The following CENPI variants were observed in gnomAD, a reference collection of about 807,000 sequenced individuals.
CENPI encodes FSH primary response 1.
In CENPI, 4 loss-of-function variants were observed where a neutral mutation model predicts 60.4. The ratio of observed to expected loss-of-function variants is 0.07; its 90% CI spans 0.03 to 0.15. The LOEUF (loss-of-function observed/expected upper bound fraction) is 0.15, where lower values mean the gene tolerates loss of function less well. Among genes scored for constraint, CENPI ranks in the 10% least tolerant of loss-of-function variants. CENPI has a pLI of 1.00. For missense variants in CENPI, 444 were observed against 534.5 expected, an observed-to-expected ratio of 0.83 and a Z score of 1.67; for synonymous variants, 157 against 189.4, an observed-to-expected ratio of 0.83 and a Z score of 1.40.
In CENPI at chrX:101,161,653, A is replaced by G. The variant is rs1307345487; in HGVS notation, c.2136+84A>G. 5 of 904,842 alleles carry G rather than the reference A, an allele frequency of 5.5e-6. No homozygotes were observed. The African/African-American group carries it at 5.9e-5, about 11-fold the overall frequency. The allele number at this position is 904,842 out of a possible 1,213,427, so 74.6% of individuals were successfully genotyped here. ...GAATTTATACTTTTCCTTTTTTCCA[A>G]ACCTTAAGCCTGCTGCCTCCACAAA... On this transcript the variant is annotated intron_variant, in intron 21 of 21. Coordinates refer to ENST00000682095, the MANE Select transcript of CENPI (RefSeq NM_001386188.2).
At chrX:101,105,244 G>A (rs1384972278) in intron 4 of CENPI, among the ~76,000 whole-genome samples, 1 of 111,887 alleles carries the variant, frequency 8.9e-6, no homozygotes, top group Admixed American at 9.5e-5. Flanking sequence ...TGGAGTAGGG[G>A]CCGGGTGCAG....
chrX:101,177,552 C>T, the CENPI span, among the ~76,000 whole-genome samples: 10 of 111,866 alleles, frequency 8.9e-5, no homozygotes, highest in African/African-American at 3.2e-4. Context: ...GCAGGGCGCT[C>T]CTCAAGCTCA....
the CENPI span, among the ~76,000 whole-genome samples, chrX:101,171,507 G>A: frequency 9.0e-6 from 1 of 111,615 alleles, no homozygotes; most frequent in African/African-American, 3.3e-5. Flanking sequence ...CGCAAACACG[G>A]CTCATTGCAG....
chrX:101,149,257 C>T (rs1165092827), intron 20 of CENPI, among the ~76,000 whole-genome samples: 2 of 111,456 alleles, frequency 1.8e-5, no homozygotes, highest in Non-Finnish European at 3.8e-5. Flanking sequence ...TGGTCTGTGT[C>T]AAGAGTACTC....
chrX:101,175,731 A>G, the CENPI span, among the ~76,000 whole-genome samples: 1 of 111,994 alleles, frequency 8.9e-6, no homozygotes, highest in Admixed American at 9.5e-5. Flanking sequence ...TATAGACTGT[A>G]TAATGATCAA....
chrX:101,103,791 A>G (rs1039748229), intron 4 of CENPI, among the ~76,000 whole-genome samples: 1 of 112,077 alleles, frequency 8.9e-6, no homozygotes, highest in African/African-American at 3.2e-5. Context: ...GCATATGCCA[A>G]AAATAACCAG....
rs1442619492 is a variant in CENPI at position 101,148,271 on chromosome X, T to A, written c.2094+110T>A. On this transcript the variant is annotated intron_variant, in intron 20 of 21. Transcript: ENST00000682095. ...GAATTGTAAGACGTGTGTTTAGTAA[T>A]TTTTTTTAAGTAACAACTAAATTTT... The A allele has an allele frequency of 9.2e-6, 6 of 654,693 alleles. No homozygotes were observed. The African/African-American group carries it at 1.4e-4, about 15-fold the overall frequency. The allele number at this position is 654,693 out of a possible 1,213,427, so 54.0% of individuals were successfully genotyped here.
downstream of CENPI, among the ~76,000 whole-genome samples, chrX:101,168,058 G>C (rs964853592): frequency 8.9e-6 from 1 of 112,428 alleles, no homozygotes; most frequent in Non-Finnish European, 1.9e-5. Context: ...GTTTAAAAGG[G>C]AGATCAGAGA....
At chrX:101,159,713 C>T (rs370306102) in intron 20 of CENPI, among the ~76,000 whole-genome samples, 2 of 111,686 alleles carry the variant, frequency 1.8e-5, no homozygotes, top group Admixed American at 9.6e-5. Context: ...CCACCCGCCT[C>T]GGCCTCCCAA....
At chrX:101,145,227 G>A in intron 17 of CENPI, 28 bp downstream of exon 17, 1 of 1,145,724 alleles carries the variant, frequency 8.7e-7, no homozygotes, top group Non-Finnish European at 1.2e-6. Context: ...TTCCCCATTT[G>A]GATTTATGTG....
intron 6 of CENPI, among the ~76,000 whole-genome samples, chrX:101,114,072 C>T (rs1426516072): frequency 1.8e-5 from 2 of 111,985 alleles, no homozygotes; most frequent in Non-Finnish European, 3.8e-5. Context: ...GCCTGGCCAA[C>T]ATGGCGAAAC....
intron 20 of CENPI, among the ~76,000 whole-genome samples, 178 bp downstream of exon 20, chrX:101,148,339 G>A (rs1264714727): frequency 1.8e-5 from 2 of 111,695 alleles, no homozygotes; most frequent in Non-Finnish European, 1.9e-5. Flanking sequence ...ATTTAAGTAA[G>A]TTTCTGTCCT....
chrX:101,126,025 T>C (rs1388559796), intron 8 of CENPI, among the ~76,000 whole-genome samples: 1 of 112,062 alleles, frequency 8.9e-6, no homozygotes, highest in Non-Finnish European at 1.9e-5. Context: ...AAGAAGCTGT[T>C]ATAAAATGGA....
At chrX:101,173,478 C>G in the CENPI span, among the ~76,000 whole-genome samples, 2,337 of 108,860 alleles carry the variant, frequency 0.021, 59 homozygotes, top group African/African-American at 0.074. Flanking sequence ...TACAGAATTT[C>G]CACAGTTCTG....
At chrX:101,172,173 C>T in the CENPI span, among the ~76,000 whole-genome samples, 1,772 of 111,230 alleles carry the variant, frequency 0.016, 45 homozygotes, top group African/African-American at 0.055. Context: ...TGGGGGGATG[C>T]GGAGGAATTG....
intron 16 of CENPI, chrX:101,140,974 A>G: frequency 3.1e-6 from 1 of 320,245 alleles, no homozygotes; most frequent in African/African-American, 2.6e-5. Flanking sequence ...AGCAACCCTT[A>G]TCTGCTAAAT....
intron 20 of CENPI, among the ~76,000 whole-genome samples, chrX:101,157,521 G>A (rs1418215744): frequency 9.1e-6 from 1 of 109,568 alleles, no homozygotes; most frequent in Non-Finnish European, 1.9e-5. Flanking sequence ...TTGGTGGCAT[G>A]CACCTGTGCT....
chrX:101,171,398 A>C, the CENPI span, among the ~76,000 whole-genome samples: 1 of 112,701 alleles, frequency 8.9e-6, no homozygotes, highest in African/African-American at 3.2e-5. Flanking sequence ...AATAAAAATT[A>C]AAATGGATTT....
intron 20 of CENPI, among the ~76,000 whole-genome samples, chrX:101,149,154 A>G (rs962002508): frequency 8.9e-6 from 1 of 111,933 alleles, no homozygotes; most frequent in Non-Finnish European, 1.9e-5. Flanking sequence ...TTTGAGGAAA[A>G]GTACAAAGAT....
Sources: gnomAD v4.1 joint callset for allele counts (sites outside exome capture counted in the v4.1 genomes callset) on GRCh38, gnomAD v4.1.1 for gene constraint, MANE v1.5 for transcripts, NCBI Gene and HGNC (gene_info 2026-07-23, HGNC 2026-07-21) for gene names.